Variants in RANBP9 observed in about 807,000 individuals in gnomAD.
The protein encoded by RANBP9 is ran-binding protein 9.
A neutral mutation model predicts 84.3 loss-of-function variants in RANBP9; 15 were observed. That is an observed-to-expected ratio of 0.18 (90% CI 0.12 to 0.27). The LOEUF (loss-of-function observed/expected upper bound fraction) is 0.27, where lower values mean the gene tolerates loss of function less well. Among genes scored for constraint, RANBP9 ranks in the 10% least tolerant of loss-of-function variants. The pLI is 1.00. For synonymous variants in RANBP9, 392 were observed against 349.6 expected, an observed-to-expected ratio of 1.12 and a Z score of -1.35; for missense variants, 809 against 912.8, an observed-to-expected ratio of 0.89 and a Z score of 1.46.
chr6:13,675,164 T>C (rs143084043), intron 2 of RANBP9, among the ~76,000 whole-genome samples: 5,208 of 152,290 alleles, frequency 0.034, 184 homozygotes, highest in Admixed American at 0.12. Flanking sequence ...ATCCATCAAC[T>C]GGATTTCATT....
At chr6:13,670,779 G>A (rs927954126) in intron 2 of RANBP9, among the ~76,000 whole-genome samples, 3 of 133,394 alleles carry the variant, frequency 2.2e-5, no homozygotes, top group Non-Finnish European at 3.1e-5. Flanking sequence ...CAGCCTGGGA[G>A]ACAGAGCAAA....
At chr6:13,636,714 A>C (rs946642088) in intron 10 of RANBP9, among the ~76,000 whole-genome samples, 7 of 152,230 alleles carry the variant, frequency 4.6e-5, no homozygotes, top group Non-Finnish European at 8.8e-5. Flanking sequence ...TCTGCTGTGA[A>C]AGACGATTTT....
chr6:13,673,580 G>T (rs1434516140), intron 2 of RANBP9, among the ~76,000 whole-genome samples: 1 of 152,138 alleles, frequency 6.6e-6, no homozygotes, highest in African/African-American at 2.4e-5. Flanking sequence ...ATGGATAAGT[G>T]AAATGAATAA....
At chr6:13,637,671 T>G (rs944337559) in intron 10 of RANBP9, 137 bp downstream of exon 10, 1 of 847,690 alleles carries the variant, frequency 1.2e-6, no homozygotes, top group African/African-American at 1.7e-5. Context: ...CTCCCTACGC[T>G]TTTATTCTCT....
chr6:13,637,780 T>C, intron 10 of RANBP9, 28 bp downstream of exon 10: 1 of 1,537,288 alleles, frequency 6.5e-7, no homozygotes, highest in Non-Finnish European at 8.8e-7. Context: ...TTGCTTATAT[T>C]AGTGCAAAAG....
intron 1 of RANBP9, among the ~76,000 whole-genome samples, chr6:13,704,637 G>GAA (rs144736205): frequency 7.6e-6 from 1 of 131,884 alleles, no homozygotes. Flanking sequence ...CCTCAAAAGA[G>GAA]AAAAAAAAAA....
At chr6:13,685,652 G>A (rs530464986) in intron 2 of RANBP9, among the ~76,000 whole-genome samples, 4 of 152,200 alleles carry the variant, frequency 2.6e-5, no homozygotes, top group Non-Finnish European at 4.4e-5. Flanking sequence ...ATACCAGGCC[G>A]GGCGCGGTGG....
chr6:13,667,740 G>A (rs142482705), intron 2 of RANBP9, among the ~76,000 whole-genome samples: 69 of 152,198 alleles, frequency 4.5e-4, no homozygotes, highest in African/African-American at 1.6e-3. Flanking sequence ...ACATGGCCTA[G>A]GTGTTTAATA....
intron 2 of RANBP9, among the ~76,000 whole-genome samples, chr6:13,662,561 G>A (rs965498174): frequency 6.6e-6 from 1 of 152,132 alleles, no homozygotes; most frequent in African/African-American, 2.4e-5. Flanking sequence ...CCTCAGGAAT[G>A]GGATTTTTGC....
At chr6:13,709,044 C>G (rs1008182091) in intron 1 of RANBP9, among the ~76,000 whole-genome samples, 3 of 152,138 alleles carry the variant, frequency 2.0e-5, no homozygotes, top group African/African-American at 7.2e-5. Flanking sequence ...TATTACACAA[C>G]AGAAAGTAAT....
rs1037822481 is a variant in RANBP9 at position 13,711,649 on chromosome 6, A to T, written c.-144T>A. On this transcript the variant is annotated 5_prime_UTR_variant, in exon 1 of 14. Transcript: ENST00000011619. ...CAGGCGGCGGGCCGCGCGCCCAGGG[A>T]GACCGCGGCGGTTGAGGAGCTCGGA... is the stretch of plus-strand genomic sequence containing the variant. 70 of 703,760 alleles carry T rather than the reference A, an allele frequency of 9.9e-5. No homozygotes were observed. The highest frequency in any genetic ancestry group is 1.5e-4 in the Admixed American group (3 of 20,442). 43.6% of individuals were successfully genotyped at this position (703,760 alleles called of 1,614,324 possible).
In RANBP9 at chr6:13,646,357, C is replaced by T. The variant is rs535753234; in HGVS notation, c.928-1628G>A. Among the ~76,000 whole-genome samples, 22 of 152,162 alleles carry T rather than the reference C, an allele frequency of 1.4e-4. No individual in the cohort carries two copies. In the South Asian group the frequency reaches 2.3e-3, roughly 16 times the overall value. On this transcript the variant is annotated intron_variant, in intron 5 of 13. Transcript: ENST00000011619. ...CGGGGATGGGGAGGTTCTGGTGAGC[C>T]GAGATTGTGCCACTGCATTCCAGCC...
Position 13,622,346 on chromosome 6 carries a change from C to T in RANBP9, c.*16G>A. ...CTATATGCCACAATATAAGTGTGAG[C>T]TCTTGAAATGCATAGCTAATGTAGG... On this transcript the variant is annotated 3_prime_UTR_variant, in exon 14 of 14. Coordinates refer to ENST00000011619, the MANE Select transcript of RANBP9 (RefSeq NM_005493.3). 1 of 1,538,358 alleles carries T rather than the reference C, an allele frequency of 6.5e-7. No homozygotes were observed. Among genetic ancestry groups the T allele is most frequent in the Non-Finnish European group, 8.7e-7 (1 of 1,143,474 alleles).
In RANBP9 at chr6:13,648,037, C is replaced by T. The variant is rs537969246; in HGVS notation, c.928-3308G>A. Among the ~76,000 whole-genome samples the T allele has an allele frequency of 7.5e-4, 114 of 152,204 alleles. 3 individuals carry two copies. Among genetic ancestry groups the T allele is most frequent in the African/African-American group, 2.6e-3 (106 of 41,536 alleles). On this transcript the variant is annotated intron_variant, in intron 5 of 13. Coordinates refer to ENST00000011619, the MANE Select transcript of RANBP9 (RefSeq NM_005493.3). ...CATCAGCAGCCACTTCCCATTTCCC[C>T]GTTCCCCCTGGCAACCACTAATCTA...
At chr6:13,697,244 C>A (rs204222) in intron 1 of RANBP9, among the ~76,000 whole-genome samples, 8,907 of 152,134 alleles carry the variant, frequency 0.059, 298 homozygotes, top group East Asian at 0.11. Context: ...AGAAAGATCT[C>A]AATTTTATCA....
At chr6:13,680,336 A>C (rs1766005446) in intron 2 of RANBP9, among the ~76,000 whole-genome samples, 1 of 152,218 alleles carries the variant, frequency 6.6e-6, no homozygotes, top group Non-Finnish European at 1.5e-5. Flanking sequence ...GACATAGTCA[A>C]GTAATGGTTC....
intron 4 of RANBP9, among the ~76,000 whole-genome samples, chr6:13,653,605 A>G (rs1354613954): frequency 1.3e-5 from 2 of 152,094 alleles, no homozygotes; most frequent in African/African-American, 4.8e-5. Context: ...TTTCCATTAA[A>G]TTGTTTTTAA....
chr6:13,656,587 T>C (rs2127770197), intron 4 of RANBP9, among the ~76,000 whole-genome samples: 2 of 152,268 alleles, frequency 1.3e-5, no homozygotes, highest in South Asian at 4.1e-4. Context: ...TTTGTCACTG[T>C]TTGCTTGTTT....
chr6:13,663,845 C>T (rs1217942628), intron 2 of RANBP9, among the ~76,000 whole-genome samples: 1 of 152,018 alleles, frequency 6.6e-6, no homozygotes, highest in African/African-American at 2.4e-5. Context: ...AATTTAACAC[C>T]ATTCAAAATA....
Sources: allele counts gnomAD v4.1 joint callset (sites outside exome capture counted in the v4.1 genomes callset), GRCh38; gene constraint gnomAD v4.1.1; transcripts MANE v1.5; gene names NCBI Gene and HGNC (gene_info 2026-07-23, HGNC 2026-07-21).